The following THOC2 variants were observed in gnomAD, a reference collection of about 807,000 sequenced individuals.
THOC2 encodes the protein THO complex 2.
A neutral mutation model predicts 128.4 loss-of-function variants in THOC2; 10 were observed. The ratio of observed to expected loss-of-function variants is 0.08; its 90% CI spans 0.05 to 0.13. The LOEUF (loss-of-function observed/expected upper bound fraction) is 0.13. Ranked by LOEUF, THOC2 falls within the 10% of genes least tolerant of loss-of-function variation. The probability of loss-of-function intolerance (pLI) is 1.00; values close to 1 mark genes in which losing one functional copy is unlikely to be tolerated. For missense variants in THOC2, 535 were observed against 1,155.7 expected (o/e 0.46, Z 7.79); for synonymous variants, 393 against 396.9 (o/e 0.99, Z 0.12).
chrX:123,659,311 G>A (rs765079101), intron 12 of THOC2, among the ~76,000 whole-genome samples: 1 of 112,812 alleles, frequency 8.9e-6, no homozygotes, highest in African/African-American at 3.2e-5. Flanking sequence ...AGTGGCTCAC[G>A]CCTGTAATCC....
intron 12 of THOC2, among the ~76,000 whole-genome samples, chrX:123,659,408 T>C (rs1400190818): frequency 8.9e-6 from 1 of 112,151 alleles, no homozygotes; most frequent in Admixed American, 9.4e-5. Context: ...CCGTCTCTGC[T>C]AAAAGTACAA....
chrX:123,603,435 A>G, intron 38 of THOC2: 1 of 377,539 alleles, frequency 2.6e-6, no homozygotes, highest in Non-Finnish European at 4.6e-6. Flanking sequence ...GAGAAAGAAG[A>G]ATGAACTAAA....
At chrX:123,626,374 G>T in intron 24 of THOC2, 147 bp downstream of exon 24, 1 of 594,930 alleles carries the variant, frequency 1.7e-6, no homozygotes, top group Non-Finnish European at 2.5e-6. Context: ...ACATGAAGTT[G>T]ATTCTGCATT....
intron 5 of THOC2, among the ~76,000 whole-genome samples, chrX:123,697,089 G>T (rs2050475353): frequency 8.9e-6 from 1 of 111,908 alleles, no homozygotes; most frequent in South Asian, 3.7e-4. Context: ...GCCTATAAAT[G>T]ACAAGAACTA....
At chrX:123,633,592 C>G (rs1333827553) in intron 20 of THOC2, among the ~76,000 whole-genome samples, 2 of 110,584 alleles carry the variant, frequency 1.8e-5, no homozygotes, top group Non-Finnish European at 3.8e-5. Context: ...TTAGTAGAGG[C>G]AGGGTTTTGC....
intron 10 of THOC2, among the ~76,000 whole-genome samples, chrX:123,667,517 C>T (rs1366501216): frequency 2.7e-5 from 3 of 111,359 alleles, no homozygotes; most frequent in Non-Finnish European, 3.8e-5. Context: ...GTAGGCAGAT[C>T]ACTTGAGCTC....
At chrX:123,675,642 CA>C (rs1023641098) in intron 8 of THOC2, among the ~76,000 whole-genome samples, 3 of 85,945 alleles carry the variant, frequency 3.5e-5, no homozygotes, top group Admixed American at 1.3e-4. Context: ...GACTCTGCCT[CA>C]AAAAAAAACA....
chrX:123,691,486 G>A (rs749962156), intron 7 of THOC2, among the ~76,000 whole-genome samples: 29 of 111,529 alleles, frequency 2.6e-4, no homozygotes, highest in Non-Finnish European at 5.1e-4. Context: ...GTAGTCAAAG[G>A]GGTGAAATGT....
chrX:123,638,156 C>T (rs1386734153), intron 17 of THOC2, 33 bp from the exon 18 acceptor site: 3 of 978,259 alleles, frequency 3.1e-6, no homozygotes, highest in Non-Finnish European at 4.3e-6. Flanking sequence ...TAAGTCATTA[C>T]ATCTCTAATA....
At chrX:123,711,196 T>G (rs28763642) in intron 2 of THOC2, among the ~76,000 whole-genome samples, 4 of 94,935 alleles carry the variant, frequency 4.2e-5, no homozygotes, top group African/African-American at 1.6e-4. Context: ...TTTTTTTTTG[T>G]TTTTGTTTTT....
chrX:123,669,541 C>T (rs1314515167), intron 9 of THOC2, among the ~76,000 whole-genome samples: 4 of 111,016 alleles, frequency 3.6e-5, no homozygotes, highest in Admixed American at 1.9e-4. Context: ...GTCTCGAACT[C>T]CTGACCTCAG....
intron 1 of THOC2, among the ~76,000 whole-genome samples, chrX:123,730,299 C>T (rs1171990809): frequency 1.8e-5 from 2 of 111,192 alleles, no homozygotes; most frequent in South Asian, 7.6e-4. Context: ...CCGCCTCAGC[C>T]TCCTGAGTAG....
chrX:123,694,620 GA>G (rs779530216), intron 7 of THOC2, among the ~76,000 whole-genome samples: 34,694 of 92,031 alleles, frequency 0.38, 5,108 homozygotes, highest in South Asian at 0.58. Context: ...AAAAAAAAAA[GA>G]AAAAAAAAAG....
chrX:123,697,641 T>C (rs2050497870), intron 5 of THOC2, 40 bp downstream of exon 5: 1 of 699,037 alleles, frequency 1.4e-6, no homozygotes, highest in Non-Finnish European at 2.1e-6. Flanking sequence ...AACTGTTTAA[T>C]GCAGATTTTT....
At chrX:123,672,642 G>T (rs2049325488) in intron 8 of THOC2, among the ~76,000 whole-genome samples, 1 of 111,838 alleles carries the variant, frequency 8.9e-6, no homozygotes, top group South Asian at 3.7e-4. Flanking sequence ...TATTACAGAT[G>T]AATAAATCGA....
In THOC2 at chrX:123,700,880, TGTC is replaced by T. The variant is rs2050675783; in HGVS notation, c.274+2571_274+2573del. On this transcript the variant is annotated intron_variant, in intron 4 of 38. Coordinates refer to ENST00000245838, the MANE Select transcript of THOC2 (RefSeq NM_001081550.2). Reference sequence around the variant, plus strand: ...GAACTTAAATTGTTATCATTATTATTGTCATCATCATCATCATTATTATTAGAG... The same window carrying T: ...GAACTTAAATTGTTATCATTATTATTATCATCATCATCATTATTATTAGAG... Among the ~76,000 whole-genome samples, 15 of 111,236 alleles carry T rather than the reference TGTC, an allele frequency of 1.3e-4. No homozygotes were observed. The South Asian group carries it at 5.7e-3, about 43-fold the overall frequency.
chrX:123,732,442 G>C (rs2052311434), intron 1 of THOC2, among the ~76,000 whole-genome samples: 1 of 112,245 alleles, frequency 8.9e-6, no homozygotes, highest in Admixed American at 9.3e-5. Flanking sequence ...CGGGCTTCGC[G>C]GCAGCGGGCG....
At chrX:123,701,211 C>A (rs751704417) in intron 4 of THOC2, among the ~76,000 whole-genome samples, 1 of 111,747 alleles carries the variant, frequency 8.9e-6, no homozygotes, top group Non-Finnish European at 1.9e-5. Flanking sequence ...AAAAAATTAG[C>A]CAGGCGTGGT....
chrX:123,732,351 G>T (rs969391131), intron 1 of THOC2, among the ~76,000 whole-genome samples: 2 of 112,813 alleles, frequency 1.8e-5, no homozygotes, highest in South Asian at 3.6e-4. Flanking sequence ...ACTTCCCCAC[G>T]GCGCTACGCG....
Sources: gnomAD v4.1 joint callset for allele counts (sites outside exome capture counted in the v4.1 genomes callset) on GRCh38, gnomAD v4.1.1 for gene constraint, MANE v1.5 for transcripts, NCBI Gene and HGNC (gene_info 2026-07-23, HGNC 2026-07-21) for gene names.